The following BBS9 variants were observed in gnomAD, a reference collection of about 807,000 sequenced individuals.
BBS9 encodes the protein protein PTHB1.
A neutral mutation model predicts 117.7 loss-of-function variants in BBS9; 89 were observed. That is an observed-to-expected ratio of 0.76 (90% CI 0.64 to 0.90). BBS9 has a LOEUF of 0.90. BBS9 is among the 40% of genes least tolerant of loss of function. BBS9 has a pLI of 0.00. For synonymous variants in BBS9, 379 were observed against 370.9 expected, an observed-to-expected ratio of 1.02 and a Z score of -0.25; for missense variants, 982 against 1,042.2, an observed-to-expected ratio of 0.94 and a Z score of 0.80.
Position 33,181,523 on chromosome 7 carries a change from C to T in BBS9, c.442+3932C>T, listed in dbSNP as rs1010022861. ...ATAAAACCTTATAGACAAATCTATC[C>T]AATTTTAGTTTGATCATAAGATAAG... On this transcript the variant is annotated intron_variant, in intron 5 of 22. Transcript: ENST00000242067. Among the ~76,000 whole-genome samples, 5 of 152,176 alleles carry T rather than the reference C, an allele frequency of 3.3e-5. No individual in the cohort carries two copies. In the South Asian group the frequency reaches 1.0e-3, roughly 32 times the overall value.
intron 9 of BBS9, among the ~76,000 whole-genome samples, chr7:33,308,190 T>A (rs926847532): frequency 2.0e-5 from 3 of 152,094 alleles, no homozygotes; most frequent in Admixed American, 1.3e-4. Context: ...GAAGACATCA[T>A]TAGTAGGAAG....
In BBS9 at chr7:33,146,598, C is replaced by T. The variant is rs60310820; in HGVS notation, c.112+234C>T. On this transcript the variant is annotated intron_variant, in intron 2 of 22. Transcript: ENST00000242067. ...TCTGTAATCCCAGCTACCTGGGAGG[C>T]TGAGGCAGGAGAATCGCTTGAACCC... Among the ~76,000 whole-genome samples the T allele has an allele frequency of 0.2, 29,941 of 150,006 alleles. 3,142 individuals carry two copies. Among genetic ancestry groups the T allele is most frequent in the Non-Finnish European group, 0.23 (15,832 of 67,782 alleles).
intron 21 of BBS9, among the ~76,000 whole-genome samples, chr7:33,543,045 C>T (rs962429438): frequency 6.6e-6 from 1 of 152,116 alleles, no homozygotes; most frequent in Non-Finnish European, 1.5e-5. Flanking sequence ...ACACTGTTTC[C>T]ATAGTGGTTG....
chr7:33,215,366 G>A (rs1168916691), intron 5 of BBS9, among the ~76,000 whole-genome samples: 2 of 152,122 alleles, frequency 1.3e-5, no homozygotes, highest in Non-Finnish European at 2.9e-5. Flanking sequence ...ACTCATTTTT[G>A]ACAAAGATGC....
intron 21 of BBS9, among the ~76,000 whole-genome samples, chr7:33,594,196 C>A (rs1490954954): frequency 1.3e-5 from 2 of 152,124 alleles, no homozygotes; most frequent in East Asian, 3.9e-4. Context: ...CTCTTTTATT[C>A]ACACGCTTTA....
At chr7:33,275,091 G>A (rs969109966) in intron 9 of BBS9, among the ~76,000 whole-genome samples, 1 of 150,374 alleles carries the variant, frequency 6.7e-6, no homozygotes, top group African/African-American at 2.5e-5. Flanking sequence ...TTAAGGGCTT[G>A]AGTGTAATAT....
chr7:33,434,511 G>T (rs923112737), intron 19 of BBS9, among the ~76,000 whole-genome samples: 1 of 152,070 alleles, frequency 6.6e-6, no homozygotes, highest in African/African-American at 2.4e-5. Flanking sequence ...TATATTGCTA[G>T]ATCCTGTAGC....
rs1431193887 is a variant in BBS9, at chr7:33,235,223, A to C, written c.443-22013A>C. 3.9e-5 allele frequency among the ~76,000 whole-genome samples: 6 copies of C among 151,984 alleles called. No homozygotes were observed. The East Asian group carries it at 1.2e-3, about 29-fold the overall frequency. ...TACACATGAAAATATATATTCTTCT[A>C]TTCCCCTTCCTCTTTCTTTTTTTAT... On this transcript the variant is annotated intron_variant, in intron 5 of 22. Transcript: ENST00000242067.
At chr7:33,581,735 C>A (rs184878272) in intron 21 of BBS9, among the ~76,000 whole-genome samples, 1 of 152,218 alleles carries the variant, frequency 6.6e-6, no homozygotes, top group Non-Finnish European at 1.5e-5. Context: ...TTTTCAAAAT[C>A]ATTTATATGA....
At chr7:33,253,339 G>A (rs1037924450) in intron 5 of BBS9, among the ~76,000 whole-genome samples, 9 of 152,260 alleles carry the variant, frequency 5.9e-5, no homozygotes, top group African/African-American at 1.9e-4. Context: ...TTGGCCGGGC[G>A]CAGTGGCTTA....
chr7:33,613,921 A>T (rs1252995290), intron 21 of BBS9, among the ~76,000 whole-genome samples: 1 of 152,102 alleles, frequency 6.6e-6, no homozygotes, highest in Non-Finnish European at 1.5e-5. Flanking sequence ...CTTATGTCCT[A>T]ATTTAAGAAA....
At chr7:33,534,197 C>T in intron 21 of BBS9, 21 bp downstream of exon 21, 1 of 1,604,344 alleles carries the variant, frequency 6.2e-7, no homozygotes, top group Non-Finnish European at 8.5e-7. Context: ...TGTCCATGCT[C>T]CCTAATCACA....
intron 19 of BBS9, among the ~76,000 whole-genome samples, chr7:33,412,711 T>C (rs568420035): frequency 6.6e-6 from 1 of 152,342 alleles, no homozygotes; most frequent in Non-Finnish European, 1.5e-5. Context: ...TCTCATCATC[T>C]TTCTGGTGTT....
At chr7:33,242,396 G>A (rs1270131230) in intron 5 of BBS9, among the ~76,000 whole-genome samples, 1 of 152,040 alleles carries the variant, frequency 6.6e-6, no homozygotes, top group Non-Finnish European at 1.5e-5. Context: ...TGGTCCACAA[G>A]TTTTTTCTCC....
chr7:33,228,139 A>G (rs947904407), intron 5 of BBS9, among the ~76,000 whole-genome samples: 1 of 152,070 alleles, frequency 6.6e-6, no homozygotes. Flanking sequence ...GCCAATATCT[A>G]TTATTTTTTG....
downstream of BBS9, among the ~76,000 whole-genome samples, chr7:33,609,116 C>A (rs1585469867): frequency 6.6e-6 from 1 of 152,114 alleles, no homozygotes; most frequent in East Asian, 1.9e-4. Context: ...GAACAGGGAT[C>A]CCTTTCCCCA....
chr7:33,519,042 A>G (rs990745343), intron 20 of BBS9, among the ~76,000 whole-genome samples: 2 of 152,130 alleles, frequency 1.3e-5, no homozygotes, highest in Admixed American at 1.3e-4. Context: ...AAAATAGTGA[A>G]GTTTCTGGGT....
rs1045186414 is a variant in BBS9 at position 33,155,653 on chromosome 7, A to G, written c.279A>G (p.Leu93=). 6.3e-7 allele frequency: 1 copy of G among 1,589,770 alleles called. No homozygotes were observed. The highest frequency in any genetic ancestry group is 1.1e-5 in the South Asian group (1 of 90,246). Reference sequence around the variant, plus strand: ...TGTTTTTCAGAGGTACCGAAATGCTACATTTGGCTGTGTTACATTCTAGAA... The same window carrying G: ...TGTTTTTCAGAGGTACCGAAATGCTGCATTTGGCTGTGTTACATTCTAGAA... ...VGKFVSGTEM[L]HLAVLHSRKL... Residue 93 remains leucine, a synonymous_variant, in exon 4 of 23, where the codon CTA becomes CTG. Coordinates refer to ENST00000242067, the MANE Select transcript of BBS9 (RefSeq NM_198428.3).
intron 21 of BBS9, among the ~76,000 whole-genome samples, chr7:33,611,749 T>C (rs1196791565): frequency 1.4e-5 from 2 of 138,752 alleles, no homozygotes; most frequent in Non-Finnish European, 3.1e-5. Flanking sequence ...ATTTATTCCT[T>C]TATATAATAT....
Sources: allele counts gnomAD v4.1 joint callset (sites outside exome capture counted in the v4.1 genomes callset), GRCh38; gene constraint gnomAD v4.1.1; transcripts MANE v1.5; gene names NCBI Gene and HGNC (gene_info 2026-07-23, HGNC 2026-07-21).